USP26: variants seen among roughly 807,000 people sequenced by gnomAD.
USP26 encodes ubiquitin carboxyl-terminal hydrolase 26.
For synonymous variants in USP26, 236 were observed against 240.6 expected (o/e 0.98, Z 0.18); for missense variants, 649 against 642.3 (o/e 1.01, Z -0.11).
chrX:133,070,066 C>T (rs2067525769), intron 5 of USP26, among the ~76,000 whole-genome samples: 1 of 111,190 alleles, frequency 9.0e-6, no homozygotes, highest in South Asian at 3.8e-4. Context: ...GAGGGTAGGG[C>T]ACATGAACTA....
At chrX:133,045,778 AAC>A (rs771455700) in intron 5 of USP26, 1 of 113,896 alleles carries the variant, frequency 8.8e-6, no homozygotes, top group Non-Finnish European at 1.8e-5. Context: ...TAAGAACTGT[AAC>A]ACTCACCGCG....
chrX:133,058,661 C>T (rs150287138), intron 5 of USP26, among the ~76,000 whole-genome samples: 1,249 of 111,263 alleles, frequency 0.011, 1 homozygote, highest in African/African-American at 0.013. Context: ...AATCTTTAGA[C>T]GACATATATT....
intron 5 of USP26, among the ~76,000 whole-genome samples, chrX:133,041,549 C>G (rs908900722): frequency 2.7e-5 from 3 of 112,078 alleles, no homozygotes; most frequent in African/African-American, 6.5e-5. Context: ...AGATTGCTGC[C>G]TGCTCCTTCC....
intron 5 of USP26, among the ~76,000 whole-genome samples, chrX:133,054,056 A>G (rs1355396993): frequency 9.0e-5 from 10 of 111,567 alleles, no homozygotes; most frequent in Non-Finnish European, 1.9e-4. Context: ...TTGTTGTTTC[A>G]GTAACTAAAC....
chrX:133,095,093 C>CAAAAAAAA (rs35394795), intron 1 of USP26, among the ~76,000 whole-genome samples: 4 of 51,130 alleles, frequency 7.8e-5, no homozygotes, highest in Admixed American at 2.6e-4. Context: ...AGACTCTTGT[C>CAAAAAAAA]AAAAAAAAAA....
intron 5 of USP26, among the ~76,000 whole-genome samples, chrX:133,069,357 C>T (rs2067523273): frequency 9.0e-6 from 1 of 111,261 alleles, no homozygotes; most frequent in African/African-American, 3.3e-5. Context: ...GAAACAAAAA[C>T]TTCTTTGTCT....
At position 133,025,892 on chromosome X, in the gene USP26, T is replaced by G. The variant is rs766020757; in HGVS notation, c.2329A>C (p.Lys777Gln). Reference sequence around the variant, plus strand: ...CTGTTAGACTTCTGTAGATTTAATTTTGTAGGTCTTAGGAGGTTCTTTGTG... The same window carrying G: ...CTGTTAGACTTCTGTAGATTTAATTGTGTAGGTCTTAGGAGGTTCTTTGTG... Reference protein sequence around the residue: ...GHTKNLLRPTKLNLQKSNRNS... With the variant: ...GHTKNLLRPTQLNLQKSNRNS... Residue 777 changes from lysine (K) to glutamine (Q), a missense_variant, in exon 6 of 6, where the codon AAA becomes CAA. Lys to Gln is a moderately conservative substitution (Grantham distance 53, BLOSUM62 1). Coordinates refer to ENST00000511190, the MANE Select transcript of USP26 (RefSeq NM_031907.3). 4.1e-6 allele frequency: 5 copies of G among 1,211,324 alleles called. No individual in the cohort carries two copies. Among genetic ancestry groups the G allele is most frequent in the Non-Finnish European group, 4.5e-6 (4 of 895,411 alleles).
At chrX:133,066,339 C>T (rs1180165035) in intron 5 of USP26, among the ~76,000 whole-genome samples, 3 of 111,859 alleles carry the variant, frequency 2.7e-5, no homozygotes, top group Non-Finnish European at 3.8e-5. Context: ...CATCAAGCTA[C>T]CATTTACTTT....
At chrX:133,042,020 C>T (rs1042979110) in intron 5 of USP26, among the ~76,000 whole-genome samples, 4 of 111,761 alleles carry the variant, frequency 3.6e-5, no homozygotes, top group African/African-American at 6.5e-5. Context: ...AGGGTAAAAC[C>T]GCCTACTAAA....
At chrX:133,038,147 C>T (rs903965190) in intron 5 of USP26, among the ~76,000 whole-genome samples, 1 of 111,293 alleles carries the variant, frequency 9.0e-6, no homozygotes, top group Non-Finnish European at 1.9e-5. Context: ...TATTTGAATG[C>T]CCTTTATTTC....
chrX:133,041,619 A>C (rs1237585482), intron 5 of USP26, among the ~76,000 whole-genome samples: 1 of 112,024 alleles, frequency 8.9e-6, no homozygotes, highest in Non-Finnish European at 1.9e-5. Context: ...CTCCTGTATG[A>C]GGTGTCTGTC....
intron 5 of USP26, among the ~76,000 whole-genome samples, chrX:133,078,460 C>T (rs987686729): frequency 6.3e-5 from 7 of 111,811 alleles, no homozygotes; most frequent in African/African-American, 9.7e-5. Flanking sequence ...CATGTACAAT[C>T]GCTGTTGTTA....
At chrX:133,054,038 G>A (rs777362945) in intron 5 of USP26, among the ~76,000 whole-genome samples, 29 of 111,611 alleles carry the variant, frequency 2.6e-4, no homozygotes, top group Middle Eastern at 4.7e-3. Flanking sequence ...TTTGGGTAAT[G>A]AGGATATTTG....
intron 5 of USP26, among the ~76,000 whole-genome samples, chrX:133,082,217 C>A (rs1175420354): frequency 8.9e-6 from 1 of 111,881 alleles, no homozygotes; most frequent in African/African-American, 3.3e-5. Context: ...AAAAGCAGCT[C>A]TACAAAAAGC....
intron 5 of USP26, among the ~76,000 whole-genome samples, chrX:133,050,042 T>G (rs746166633): frequency 2.7e-5 from 3 of 112,544 alleles, no homozygotes; most frequent in Non-Finnish European, 5.6e-5. Flanking sequence ...TTCAAATACA[T>G]AGAGCACTCT....
chrX:133,033,520 T>C (rs2067385616), intron 5 of USP26, among the ~76,000 whole-genome samples: 1 of 112,410 alleles, frequency 8.9e-6, no homozygotes, highest in Admixed American at 9.4e-5. Context: ...ATTATGCTAG[T>C]GCTATTAATA....
chrX:133,045,093 G>A (rs1267949181), intron 5 of USP26, among the ~76,000 whole-genome samples: 2 of 111,577 alleles, frequency 1.8e-5, no homozygotes, highest in South Asian at 3.8e-4. Context: ...GATCTGGTGG[G>A]GACTTAGAGA....
At chrX:133,067,317 T>C (rs1405376932) in intron 5 of USP26, among the ~76,000 whole-genome samples, 4 of 112,549 alleles carry the variant, frequency 3.6e-5, no homozygotes, top group Non-Finnish European at 7.5e-5. Context: ...GACAGTGTGG[T>C]GATTCCTCAT....
rs138138793 is a variant in USP26 at position 133,029,963 on chromosome X, C to T, written c.-76-1667G>A. 7.1e-4 allele frequency among the ~76,000 whole-genome samples: 79 copies of T among 111,857 alleles called. 4 individuals are homozygous for T. In the East Asian group the frequency reaches 0.012, roughly 17 times the overall value. Reference sequence around the variant, plus strand: ...GCCTACATCCCTAAGACATCTCAAGCTTAAATCCTGTTCTTCATTCTGCCT... The same window carrying T: ...GCCTACATCCCTAAGACATCTCAAGTTTAAATCCTGTTCTTCATTCTGCCT... On this transcript the variant is annotated intron_variant, in intron 5 of 5. Transcript: ENST00000511190.
Sources: allele counts gnomAD v4.1 joint callset (sites outside exome capture counted in the v4.1 genomes callset), GRCh38; gene constraint gnomAD v4.1.1; transcripts MANE v1.5; gene names NCBI Gene and HGNC (gene_info 2026-07-23, HGNC 2026-07-21).